PLPP3: variants seen among roughly 807,000 people sequenced by gnomAD.
PLPP3 encodes PAP2 beta.
A neutral mutation model predicts 29.6 loss-of-function variants in PLPP3; 6 were observed. The observed-to-expected ratio is 0.20, with a 90% CI of 0.11 to 0.40. PLPP3 has a LOEUF of 0.40. Ranked by LOEUF, PLPP3 falls within the 10% of genes least tolerant of loss-of-function variation. The pLI is 1.00. For missense variants in PLPP3, 308 were observed against 407.7 expected, an observed-to-expected ratio of 0.76 and a Z score of 2.11; for synonymous variants, 152 against 159.7, an observed-to-expected ratio of 0.95 and a Z score of 0.36.
chr1:56,558,929 C>A (rs1175088293), intron 1 of PLPP3, among the ~76,000 whole-genome samples: 2 of 152,260 alleles, frequency 1.3e-5, no homozygotes, highest in Non-Finnish European at 2.9e-5. Context: ...AACTATCAGG[C>A]ACTGTCCTAG....
intron 2 of PLPP3, among the ~76,000 whole-genome samples, chr1:56,525,596 G>T (rs527988947): frequency 1.3e-5 from 2 of 152,048 alleles, no homozygotes; most frequent in Non-Finnish European, 2.9e-5. Context: ...AAATGCCTAT[G>T]ATGTGCACAA....
At chr1:56,505,526 G>GACCA (rs1645696605) in intron 5 of PLPP3, among the ~76,000 whole-genome samples, 1 of 152,172 alleles carries the variant, frequency 6.6e-6, no homozygotes, top group South Asian at 2.1e-4. Flanking sequence ...GAGACAGCAA[G>GACCA]ACCAACCCCT....
intron 1 of PLPP3, among the ~76,000 whole-genome samples, chr1:56,541,548 C>T (rs1645969703): frequency 6.6e-6 from 1 of 151,462 alleles, no homozygotes; most frequent in Admixed American, 6.6e-5. Flanking sequence ...TTCAAGTGGC[C>T]CAAAGGCTAA....
At chr1:56,550,566 G>A (rs1422697707) in intron 1 of PLPP3, among the ~76,000 whole-genome samples, 2 of 152,004 alleles carry the variant, frequency 1.3e-5, no homozygotes, top group Admixed American at 6.6e-5. Context: ...CTCTCAAAAC[G>A]TGTGAATCAG....
At chr1:56,550,319 A>G (rs1271696511) in intron 1 of PLPP3, among the ~76,000 whole-genome samples, 1 of 152,156 alleles carries the variant, frequency 6.6e-6, no homozygotes, top group Non-Finnish European at 1.5e-5. Context: ...TAGGAACCCT[A>G]TTGTTCCAGA....
chr1:56,512,363 GCAC>G, intron 4 of PLPP3: 1 of 487,386 alleles, frequency 2.1e-6, no homozygotes, highest in Non-Finnish European at 3.6e-6. Context: ...TGTAATCCCA[GCAC>G]TTCGTGTGGC....
At chr1:56,505,726 A>G (rs112740603) in intron 5 of PLPP3, among the ~76,000 whole-genome samples, 1,864 of 152,320 alleles carry the variant, frequency 0.012, 42 homozygotes, top group African/African-American at 0.043. Flanking sequence ...CATACAAAAC[A>G]TATGTTAATT....
chr1:56,554,333 G>A (rs1033784525), intron 1 of PLPP3, among the ~76,000 whole-genome samples: 5 of 152,136 alleles, frequency 3.3e-5, no homozygotes, highest in Admixed American at 6.5e-5. Flanking sequence ...AGTGCTTTGG[G>A]AGGCCGAGGC....
At chr1:56,545,958 TCCAGG>T (rs1646002963) in intron 1 of PLPP3, among the ~76,000 whole-genome samples, 1 of 152,160 alleles carries the variant, frequency 6.6e-6, no homozygotes, top group Non-Finnish European at 1.5e-5. Context: ...CCAAGGGCAC[TCCAGG>T]TATGCCACTG....
Position 56,579,443 on chromosome 1 carries a change from C to A in PLPP3, c.-427G>T. The A allele has an allele frequency of 5.5e-6, 1 of 182,262 alleles. No individual in the cohort carries two copies. The highest frequency in any genetic ancestry group is 1.0e-4 in the South Asian group (1 of 10,030). The allele number at this position is 182,262 out of a possible 1,614,324, so 11.3% of individuals were successfully genotyped here. ...TGCGCTGAGCCCAGCAACTCCGGAG[C>A]GCCAGCCCCAACTCTAACTTTGCCT... On this transcript the variant is annotated 5_prime_UTR_variant, in exon 1 of 6. Coordinates refer to ENST00000371250, the MANE Select transcript of PLPP3 (RefSeq NM_003713.5).
intron 1 of PLPP3, among the ~76,000 whole-genome samples, chr1:56,571,691 C>G (rs1288001920): frequency 6.6e-6 from 1 of 152,186 alleles, no homozygotes. Context: ...TCTGTCTACT[C>G]CACTGCCCAA....
intron 4 of PLPP3, among the ~76,000 whole-genome samples, chr1:56,518,198 T>C (rs1645795361): frequency 6.6e-6 from 1 of 152,068 alleles, no homozygotes; most frequent in Admixed American, 6.6e-5. Flanking sequence ...GAAACAACAA[T>C]CTTGCTCCCC....
chr1:56,543,458 T>C (rs1427828013), intron 1 of PLPP3, among the ~76,000 whole-genome samples: 1 of 152,200 alleles, frequency 6.6e-6, no homozygotes, highest in Non-Finnish European at 1.5e-5. Context: ...ACATATTCCC[T>C]GTTAAAATAT....
At chr1:56,544,299 T>A (rs1447687740) in intron 1 of PLPP3, among the ~76,000 whole-genome samples, 1 of 152,198 alleles carries the variant, frequency 6.6e-6, no homozygotes. Flanking sequence ...CAACTCATGG[T>A]TCATATCTTT....
At chr1:56,500,601 T>C (rs1040806755) in intron 5 of PLPP3, among the ~76,000 whole-genome samples, 8 of 152,316 alleles carry the variant, frequency 5.3e-5, no homozygotes, top group African/African-American at 1.4e-4. Context: ...GGACTAGATA[T>C]TGAAAAGCGT....
intron 2 of PLPP3, among the ~76,000 whole-genome samples, chr1:56,528,012 CT>C (rs1026496129): frequency 9.2e-5 from 14 of 152,148 alleles, no homozygotes; most frequent in Admixed American, 5.2e-4. Context: ...ACTCCTGCCC[CT>C]AGAGCCCTCA....
At chr1:56,553,932 T>C (rs1039012313) in intron 1 of PLPP3, among the ~76,000 whole-genome samples, 1 of 152,170 alleles carries the variant, frequency 6.6e-6, no homozygotes, top group Non-Finnish European at 1.5e-5. Flanking sequence ...CTCTTATGAA[T>C]ATGGAATGAT....
intron 5 of PLPP3, among the ~76,000 whole-genome samples, chr1:56,499,724 C>T (rs1011932341): frequency 6.6e-6 from 1 of 152,054 alleles, no homozygotes; most frequent in Non-Finnish European, 1.5e-5. Context: ...TTTGGGATCA[C>T]GAAACGTAAT....
intron 1 of PLPP3, among the ~76,000 whole-genome samples, chr1:56,549,774 A>G (rs1646026330): frequency 6.6e-6 from 1 of 152,204 alleles, no homozygotes; most frequent in Admixed American, 6.5e-5. Flanking sequence ...AAAACACCCC[A>G]AAATCTGCAG....
Sources: gnomAD v4.1 joint callset for allele counts (sites outside exome capture counted in the v4.1 genomes callset) on GRCh38, gnomAD v4.1.1 for gene constraint, MANE v1.5 for transcripts, NCBI Gene and HGNC (gene_info 2026-07-23, HGNC 2026-07-21) for gene names.